SNTG1: variants seen among roughly 807,000 people sequenced by gnomAD.
SNTG1 encodes the protein gamma-1-syntrophin.
SNTG1 carries 39 observed loss-of-function variants against 74.7 expected under a neutral mutation model. The observed-to-expected ratio is 0.52, with a 90% CI of 0.40 to 0.68. The LOEUF (loss-of-function observed/expected upper bound fraction) is 0.68, where lower values mean the gene tolerates loss of function less well. Among genes scored for constraint, SNTG1 ranks in the 30% least tolerant of loss-of-function variants. The pLI, the probability that SNTG1 is intolerant of heterozygous loss-of-function variation, is 0.00. For synonymous variants in SNTG1, 254 were observed against 217.1 expected (o/e 1.17, Z -1.49); for missense variants, 685 against 609.5 (o/e 1.12, Z -1.30).
At chr8:50,717,352 A>G (rs550757407) in intron 17 of SNTG1, among the ~76,000 whole-genome samples, 1 of 152,266 alleles carries the variant, frequency 6.6e-6, no homozygotes, top group African/African-American at 2.4e-5. Context: ...TTAAATTATC[A>G]TTTTTGATTT....
intron 2 of SNTG1, among the ~76,000 whole-genome samples, chr8:50,227,119 T>G (rs1428966023): frequency 6.6e-6 from 1 of 152,150 alleles, no homozygotes; most frequent in Non-Finnish European, 1.5e-5. Context: ...GCCAGTTTTA[T>G]CATCAATATA....
At chr8:49,913,472 G>T (rs1463731178) in intron 1 of SNTG1, among the ~76,000 whole-genome samples, 1 of 152,134 alleles carries the variant, frequency 6.6e-6, no homozygotes, top group African/African-American at 2.4e-5. Context: ...GTTTTATGTT[G>T]GCTGAGTGTA....
chr8:49,976,766 A>G (rs2083515063), intron 1 of SNTG1, among the ~76,000 whole-genome samples: 1 of 152,188 alleles, frequency 6.6e-6, no homozygotes, highest in African/African-American at 2.4e-5. Context: ...CTGATCATGC[A>G]GGATACTGTA....
rs748507035 is a variant in SNTG1, at chr8:50,708,901, T to G, written c.1207T>G (p.Cys403Gly). ...TTCTACCTAGTGCAAGACCTATGCATGTGTGCTAGAAAGTCATCTAATGGG... is the reference window on the plus strand; with the variant it reads ...TTCTACCTAGTGCAAGACCTATGCAGGTGTGCTAGAAAGTCATCTAATGGG... ...VERIQCKTYACVLESHLMGLT... is the reference protein window; with the variant it reads ...VERIQCKTYAGVLESHLMGLT... The change falls in exon 17 of 19, where the codon TGT becomes GGT. Residue 403 changes from cysteine (C) to glycine (G), a missense_variant. By Grantham distance (159) the Cys-to-Gly change is radical. Coordinates refer to ENST00000642720, the MANE Select transcript of SNTG1 (RefSeq NM_018967.5). 1 of 1,613,008 alleles carries G rather than the reference T, an allele frequency of 6.2e-7. No homozygotes were observed. Among genetic ancestry groups the G allele is most frequent in the South Asian group, 1.1e-5 (1 of 91,044 alleles).
chr8:50,035,794 T>A (rs1818108865), intron 1 of SNTG1, among the ~76,000 whole-genome samples: 1 of 152,146 alleles, frequency 6.6e-6, no homozygotes, highest in South Asian at 2.1e-4. Context: ...CATCTGGGAC[T>A]GGACCGGAAC....
chr8:49,971,504 G>A (rs1811670870), intron 1 of SNTG1, among the ~76,000 whole-genome samples: 1 of 152,156 alleles, frequency 6.6e-6, no homozygotes, highest in South Asian at 2.1e-4. Flanking sequence ...AGTGTTGGAA[G>A]TTCTGGCCAG....
intron 18 of SNTG1, among the ~76,000 whole-genome samples, chr8:50,783,478 C>T (rs1240530240): frequency 6.6e-6 from 1 of 152,206 alleles, no homozygotes; most frequent in Non-Finnish European, 1.5e-5. Flanking sequence ...AGGGAGACTC[C>T]ATGGGCATGG....
intron 3 of SNTG1, among the ~76,000 whole-genome samples, chr8:50,396,863 C>T (rs1033695307): frequency 6.6e-6 from 1 of 152,148 alleles, no homozygotes; most frequent in Non-Finnish European, 1.5e-5. Context: ...TAAGAAACTA[C>T]AAATTCTTAA....
chr8:50,312,274 T>C (rs1418302329), intron 2 of SNTG1, among the ~76,000 whole-genome samples: 1 of 152,142 alleles, frequency 6.6e-6, no homozygotes, highest in Non-Finnish European at 1.5e-5. Context: ...CCCATCTATC[T>C]TTTCTGGTCA....
intron 1 of SNTG1, among the ~76,000 whole-genome samples, chr8:49,917,895 T>G (rs1356373744): frequency 2.0e-5 from 3 of 152,150 alleles, no homozygotes; most frequent in Non-Finnish European, 4.4e-5. Context: ...CTCTGCTCAG[T>G]TAGAACAAAA....
At chr8:50,216,999 A>G (rs2084820448) in intron 2 of SNTG1, among the ~76,000 whole-genome samples, 1 of 151,436 alleles carries the variant, frequency 6.6e-6, no homozygotes, top group African/African-American at 2.4e-5. Context: ...TTCAAGGGTA[A>G]ATTTATAAAA....
intron 1 of SNTG1, among the ~76,000 whole-genome samples, chr8:50,039,478 A>G (rs1818450287): frequency 6.6e-6 from 1 of 151,022 alleles, no homozygotes; most frequent in African/African-American, 2.4e-5. Flanking sequence ...AAAAAAAAAA[A>G]AAAAACTCAA....
At chr8:50,630,480 G>A (rs573739936) in intron 13 of SNTG1, among the ~76,000 whole-genome samples, 15 of 152,184 alleles carry the variant, frequency 9.9e-5, no homozygotes, top group Non-Finnish European at 1.3e-4. Context: ...AATGTCCTCA[G>A]TAGTTGAGCT....
chr8:50,145,599 T>C (rs945937930), intron 1 of SNTG1, among the ~76,000 whole-genome samples: 1 of 152,150 alleles, frequency 6.6e-6, no homozygotes, highest in African/African-American at 2.4e-5. Context: ...GAAAAAGTCA[T>C]GGCAGTTGGG....
chr8:50,746,023 A>G (rs2095554355), intron 17 of SNTG1, among the ~76,000 whole-genome samples: 1 of 151,996 alleles, frequency 6.6e-6, no homozygotes, highest in East Asian at 1.9e-4. Context: ...ACGATGCTAA[A>G]TTTTATATTA....
At chr8:50,215,601 G>T (rs181867689) in intron 2 of SNTG1, among the ~76,000 whole-genome samples, 5 of 151,284 alleles carry the variant, frequency 3.3e-5, no homozygotes, top group Admixed American at 1.3e-4. Flanking sequence ...TATAACAAAG[G>T]TGATAAATTA....
chr8:50,367,582 C>G (rs1030350628), intron 2 of SNTG1, among the ~76,000 whole-genome samples: 1 of 152,064 alleles, frequency 6.6e-6, no homozygotes, highest in African/African-American at 2.4e-5. Flanking sequence ...AATGTACTTA[C>G]TTTAACAACT....
At chr8:50,102,997 G>A (rs2080207186) in intron 1 of SNTG1, among the ~76,000 whole-genome samples, 1 of 151,568 alleles carries the variant, frequency 6.6e-6, no homozygotes. Context: ...GTAGTGTGAT[G>A]CCTCCAGCTT....
chr8:50,113,640 G>A (rs1412601285), intron 1 of SNTG1, among the ~76,000 whole-genome samples: 1 of 152,148 alleles, frequency 6.6e-6, no homozygotes, highest in Non-Finnish European at 1.5e-5. Context: ...AGTGGTGAGA[G>A]AGGGCATCCC....
Sources: allele counts gnomAD v4.1 joint callset (sites outside exome capture counted in the v4.1 genomes callset), GRCh38; gene constraint gnomAD v4.1.1; transcripts MANE v1.5; gene names NCBI Gene and HGNC (gene_info 2026-07-23, HGNC 2026-07-21).